Variants in CHRNG observed in about 807,000 individuals in gnomAD.
The protein encoded by CHRNG is cholinergic receptor nicotinic gamma subunit, also known as acetylcholine receptor subunit gamma.
Under a neutral mutation model 65.2 loss-of-function variants are expected in CHRNG, and 72 were observed. The observed-to-expected ratio is 1.10, with a 90% CI of 0.91 to 1.34. The LOEUF (loss-of-function observed/expected upper bound fraction) is 1.34. CHRNG is among the 40% of genes most tolerant of loss of function. The pLI, the probability that CHRNG is intolerant of heterozygous loss-of-function variation, is 0.00. For missense variants in CHRNG, 637 were observed against 680.1 expected (o/e 0.94, Z 0.70); for synonymous variants, 284 against 290.2 (o/e 0.98, Z 0.22).
rs13391285 is a variant in CHRNG at position 232,541,500 on chromosome 2, C to T, written c.477C>T (p.Phe159=). Residue 159 remains phenylalanine, a synonymous_variant, in exon 5 of 12, where the codon TTC becomes TTT. Transcript: ENST00000651502. The surrounding 1 kb of genome is among the most constrained non-coding windows in gnomAD (Gnocchi z 4.0). ...CTATCTCAGTCACCTACTTCCCCTT[C>T]GACTGGCAGAACTGCTCCCTTATCT... The part of the protein sequence containing the change: ...ACSISVTYFP[F]DWQNCSLIFQ... The T allele has an allele frequency of 5.0e-5, 81 of 1,613,988 alleles. No homozygotes were observed. Among genetic ancestry groups the T allele is most frequent in the East Asian group, 2.0e-4 (9 of 44,898 alleles).
chr2:232,542,880 A>G lies in CHRNG; in HGVS notation c.605-2A>G. ...CACTCCTGCCTGCCTGCCTGCCCGC[A>G]GAGAATGGGGAGTGGGCCATCCAGC... On this transcript the variant is annotated splice_acceptor_variant, in intron 6 of 11. Transcript: ENST00000651502. LOFTEE classifies it high-confidence loss of function. The G allele has an allele frequency of 6.2e-7, 1 of 1,610,562 alleles. No homozygotes were observed.
chr2:232,544,079 C>T (rs954671424), intron 9 of CHRNG, among the ~76,000 whole-genome samples: 3 of 152,162 alleles, frequency 2.0e-5, no homozygotes, highest in African/African-American at 7.2e-5. Context: ...CAGCTTGGGC[C>T]CTTGTTGCAC....
chr2:232,544,268 T>C (rs2106222692), intron 9 of CHRNG, 99 bp from the exon 10 acceptor site: 1 of 918,994 alleles, frequency 1.1e-6, no homozygotes, highest in South Asian at 1.3e-5. Flanking sequence ...CCCGGTATGC[T>C]GCCTCCATGG....
At chr2:232,544,644 ACAG>A in intron 10 of CHRNG, 64 bp downstream of exon 10, 1 of 1,564,660 alleles carries the variant, frequency 6.4e-7, no homozygotes, top group East Asian at 2.2e-5. Flanking sequence ...GGAGCCAGGC[ACAG>A]CAGATGAGTG....
rs1692036647 is a variant in CHRNG, at chr2:232,542,418, C to T, written c.507-5C>T. On this transcript the variant is annotated splice_polypyrimidine_tract_variant and splice_region_variant and intron_variant, in intron 5 of 11. Coordinates refer to ENST00000651502, the MANE Select transcript of CHRNG (RefSeq NM_005199.5). ...CATTTAGCCTCTTTCCTCGGTGACTCCCAGGTCCCAGACTTACAGCACCAA... is the reference window on the plus strand; with the variant it reads ...CATTTAGCCTCTTTCCTCGGTGACTTCCAGGTCCCAGACTTACAGCACCAA... 1 of 1,609,108 alleles carries T rather than the reference C, an allele frequency of 6.2e-7. No homozygotes were observed. The highest frequency in any genetic ancestry group is 8.5e-7 in the Non-Finnish European group (1 of 1,175,650).
In CHRNG at chr2:232,543,045, C is replaced by A. The variant is rs1275665308; in HGVS notation, c.768C>A (p.Ser256=). 7 of 1,614,264 alleles carry A rather than the reference C, an allele frequency of 4.3e-6. No individual in the cohort carries two copies. The highest frequency in any genetic ancestry group is 5.9e-6 in the Non-Finnish European group (7 of 1,180,044). Residue 256 remains serine, a synonymous_variant, in exon 7 of 12, where the codon TCC becomes TCA. Transcript: ENST00000651502. ...TCATCGCCCCCTGTGTGCTCATCTC[C>A]TCTGTCGCCATCCTCATCCACTTCC... is the stretch of plus-strand genomic sequence containing the variant. ...INIIAPCVLI[S]SVAILIHFLP... is the part of the protein sequence containing the mutation.
In CHRNG at chr2:232,544,781, C is replaced by G. The variant is rs146674765; in HGVS notation, c.1259C>G (p.Pro420Arg). 2 of 1,613,844 alleles carry G rather than the reference C, an allele frequency of 1.2e-6. No homozygotes were observed. Among genetic ancestry groups the G allele is most frequent in the African/African-American group, 2.7e-5 (2 of 74,896 alleles). Residue 420 changes from proline to arginine, a missense_variant, in exon 11 of 12, where the codon CCG (proline) becomes CGG (arginine). By Grantham distance (103) the Pro-to-Arg change is moderately radical. Coordinates refer to ENST00000651502, the MANE Select transcript of CHRNG (RefSeq NM_005199.5). The part of the protein sequence containing the change: ...AAALEKLEKG[P>R]ELGLSQFCGS... The stretch of plus-strand genomic sequence containing the variant: ...CCTTTCTCTTTATCAGAGAAAGGCC[C>G]GGAGTTAGGGCTGAGCCAGTTCTGT...
In CHRNG at chr2:232,544,768, T is replaced by C; in HGVS notation, c.1250-4T>C. Reference sequence around the variant, plus strand: ...TCCCAAACCTTACCCTTTCTCTTTATCAGAGAAAGGCCCGGAGTTAGGGCT... The same window carrying C: ...TCCCAAACCTTACCCTTTCTCTTTACCAGAGAAAGGCCCGGAGTTAGGGCT... On this transcript the variant is annotated splice_region_variant and splice_polypyrimidine_tract_variant and intron_variant, in intron 10 of 11. Transcript: ENST00000651502. 6.2e-7 allele frequency: 1 copy of C among 1,613,808 alleles called. No homozygotes were observed.
intron 5 of CHRNG, 100 bp from the exon 6 acceptor site, chr2:232,542,323 T>C (rs1308106517): frequency 1.3e-5 from 10 of 779,738 alleles, no homozygotes; most frequent in Non-Finnish European, 2.3e-5. Context: ...TGCATTTTGT[T>C]GAAGAAAAGC....
rs1351497106 is a variant in CHRNG at position 232,547,534 on chromosome 2, C to T, written c.*1818C>T. Among the ~76,000 whole-genome samples the T allele has an allele frequency of 6.6e-6, 1 of 152,230 alleles. No individual in the cohort carries two copies. The highest frequency in any genetic ancestry group is 2.4e-5 in the African/African-American group (1 of 41,454). On this transcript the variant is annotated 3_prime_UTR_variant, in exon 12 of 12. Coordinates refer to ENST00000651502, the MANE Select transcript of CHRNG (RefSeq NM_005199.5). The stretch of plus-strand genomic sequence containing the variant: ...TGGAAATATGCCCTCCCTCCAAGCA[C>T]AGGATTGCTGTCTTTGGGATTCAAT...
chr2:232,543,450 C>T, intron 8 of CHRNG, 61 bp downstream of exon 8: 2 of 1,349,338 alleles, frequency 1.5e-6, no homozygotes, highest in Admixed American at 1.8e-5. Context: ...AGCATGATGG[C>T]CTCCTGCATT....
chr2:232,541,811 G>A lies in CHRNG; in HGVS notation c.506+282G>A. 1.9e-6 allele frequency: 1 copy of A among 530,408 alleles called. No individual in the cohort carries two copies. Among genetic ancestry groups the A allele is most frequent in the Non-Finnish European group, 3.4e-6 (1 of 292,330 alleles). The allele number at this position is 530,408 out of a possible 1,614,324, so 32.9% of individuals were successfully genotyped here. Reference sequence around the variant, plus strand: ...ACGCCTGGGGTGCGTGGGTGAGAAGGCACACATGCACACAAGATGCGTGTC... The same window carrying A: ...ACGCCTGGGGTGCGTGGGTGAGAAGACACACATGCACACAAGATGCGTGTC... On this transcript the variant is annotated intron_variant, in intron 5 of 11. Coordinates refer to ENST00000651502, the MANE Select transcript of CHRNG (RefSeq NM_005199.5). This position sits in a 1 kb window ranked among gnomAD's most constrained non-coding sequence, Gnocchi z 4.0.
rs547212134 is a variant in CHRNG, at chr2:232,547,702, C to A, written c.*1986C>A. 2.0e-5 allele frequency among the ~76,000 whole-genome samples: 3 copies of A among 152,192 alleles called. No individual in the cohort carries two copies. The highest frequency in any genetic ancestry group is 4.4e-5 in the Non-Finnish European group (3 of 68,034). On this transcript the variant is annotated 3_prime_UTR_variant, in exon 12 of 12. Transcript: ENST00000651502. ...GGAGAACTTCAATCAGGGAGGGAAT[C>A]TGATGACAGTGGGGCCATTTCCGGT...
In CHRNG at chr2:232,539,797, G is replaced by A; in HGVS notation, c.50G>A (p.Cys17Tyr). 6.2e-7 allele frequency: 1 copy of A among 1,613,870 alleles called. No individual in the cohort carries two copies. The change falls in exon 1 of 12, where the codon TGC becomes TAC. Residue 17 changes from cysteine (C) to tyrosine (Y), a missense_variant. Coordinates refer to ENST00000651502, the MANE Select transcript of CHRNG (RefSeq NM_005199.5). Reference sequence around the variant, plus strand: ...CTCCTCCTGCTGCTGCTGGCTGTCTGCCTGGGTGGGACACAAAGGAATCTC... The same window carrying A: ...CTCCTCCTGCTGCTGCTGGCTGTCTACCTGGGTGGGACACAAAGGAATCTC... Reference protein sequence around the residue: ...PLLLLLLLAVCLGAQGRNQEE... With the variant: ...PLLLLLLLAVYLGAQGRNQEE...
At chr2:232,543,775 A>G (rs1692068982) in intron 9 of CHRNG, 76 bp downstream of exon 9, 4 of 891,650 alleles carry the variant, frequency 4.5e-6, no homozygotes, top group African/African-American at 1.6e-5. Flanking sequence ...CCCCGGCAGT[A>G]CTCACCTGTG....
Position 232,543,453 on chromosome 2 carries a change from C to A in CHRNG, c.920+64C>A, listed in dbSNP as rs1692058549. 19 of 1,312,818 alleles carry A rather than the reference C, an allele frequency of 1.4e-5. No homozygotes were observed. The African/African-American group carries it at 1.5e-4, about 10-fold the overall frequency. The allele number at this position is 1,312,818 out of a possible 1,614,324, so 81.3% of individuals were successfully genotyped here. ...TCCCTTCTTGGGAGCATGATGGCCT[C>A]CTGCATTGCCCTCTTGCCCTCCATC... is the stretch of plus-strand genomic sequence containing the variant. On this transcript the variant is annotated intron_variant, in intron 8 of 11. Coordinates refer to ENST00000651502, the MANE Select transcript of CHRNG (RefSeq NM_005199.5).
In CHRNG at chr2:232,547,957, C is replaced by A; in HGVS notation, c.*2241C>A. 1 of 448,474 alleles carries A rather than the reference C, an allele frequency of 2.2e-6. No homozygotes were observed. Among genetic ancestry groups the A allele is most frequent in the East Asian group, 3.5e-5 (1 of 28,732 alleles). The allele number at this position is 448,474 out of a possible 1,614,324, so 27.8% of individuals were successfully genotyped here. On this transcript the variant is annotated 3_prime_UTR_variant, in exon 12 of 12. Coordinates refer to ENST00000651502, the MANE Select transcript of CHRNG (RefSeq NM_005199.5). ...TCAGTTCCAGACCAACACAAGAAAG[C>A]AAGTCACATGAATGTTTTTGGTTTC... is the stretch of plus-strand genomic sequence containing the variant.
In CHRNG at chr2:232,541,875, G is replaced by A. The variant is rs763924485; in HGVS notation, c.506+346G>A. On this transcript the variant is annotated intron_variant, in intron 5 of 11. Transcript: ENST00000651502. The surrounding 1 kb of genome is among the most constrained non-coding windows in gnomAD (Gnocchi z 4.0). ...AACCACTGCACACTCCAGGCCCACA[G>A]GGAGGCAGGGCTGTCCTGTGAGAGA... The A allele has an allele frequency of 2.5e-6, 1 of 397,388 alleles. No homozygotes were observed. Among genetic ancestry groups the A allele is most frequent in the Non-Finnish European group, 4.7e-6 (1 of 210,838 alleles). The allele number at this position is 397,388 out of a possible 1,614,324, so 24.6% of individuals were successfully genotyped here.
At position 232,545,529 on chromosome 2, in the gene CHRNG, C is replaced by T. The variant is rs780326786; in HGVS notation, c.1381-14C>T. 17 of 1,612,536 alleles carry T rather than the reference C, an allele frequency of 1.1e-5. No homozygotes were observed. In the Admixed American group the frequency reaches 2.8e-4, roughly 27 times the overall value. On this transcript the variant is annotated splice_polypyrimidine_tract_variant and intron_variant, in intron 11 of 11. Transcript: ENST00000651502. Reference sequence around the variant, plus strand: ...GCCGCCGCTGGTTATCCCACACCTGCCTCCCACCCTCAGGGGAATGAGGAG... The same window carrying T: ...GCCGCCGCTGGTTATCCCACACCTGTCTCCCACCCTCAGGGGAATGAGGAG...
Sources: gnomAD v4.1 joint callset for allele counts (sites outside exome capture counted in the v4.1 genomes callset) on GRCh38, gnomAD v4.1.1 for gene constraint, Gnocchi (gnomAD v3.1) non-coding constraint, MANE v1.5 for transcripts, NCBI Gene and HGNC (gene_info 2026-07-23, HGNC 2026-07-21) for gene names.